The following FLVCR2 variants were observed in gnomAD, a reference collection of about 807,000 sequenced individuals.
The protein encoded by FLVCR2 is choline/ethanolamine transporter FLVCR2.
Under a neutral mutation model 48.9 loss-of-function variants are expected in FLVCR2, and 38 were observed. The ratio of observed to expected loss-of-function variants is 0.78; its 90% CI spans 0.60 to 1.02. The LOEUF (loss-of-function observed/expected upper bound fraction) is 1.02. Among genes scored for constraint, FLVCR2 ranks in the 50% least tolerant of loss-of-function variants. The probability of loss-of-function intolerance (pLI) is 0.00; values close to 1 mark genes in which losing one functional copy is unlikely to be tolerated. For synonymous variants in FLVCR2, 255 were observed against 257.0 expected (o/e 0.99, Z 0.07); for missense variants, 664 against 663.3 (o/e 1.00, Z -0.01).
At chr14:75,633,527 A>T in intron 3 of FLVCR2, 102 bp from the exon 4 acceptor site, 1 of 878,636 alleles carries the variant, frequency 1.1e-6, no homozygotes, top group Non-Finnish European at 2.0e-6. Context: ...AGTGGCAGTG[A>T]GATGAGGATT....
chr14:75,612,373 C>T (rs779133762), intron 1 of FLVCR2, among the ~76,000 whole-genome samples: 5 of 152,210 alleles, frequency 3.3e-5, no homozygotes, highest in South Asian at 2.1e-4. Context: ...AACCCTGTGA[C>T]GGGGGCGGGA....
At chr14:75,581,517 G>A (rs566132328) in intron 1 of FLVCR2, among the ~76,000 whole-genome samples, 29 of 152,148 alleles carry the variant, frequency 1.9e-4, no homozygotes, top group Non-Finnish European at 3.7e-4. Flanking sequence ...CTGCTTGGGT[G>A]ATTCCACTAG....
In FLVCR2 at chr14:75,579,513, G is replaced by A. The variant is rs1475293310; in HGVS notation, c.541G>A (p.Val181Met). 1.2e-6 allele frequency: 2 copies of A among 1,612,934 alleles called. No homozygotes were observed. The highest frequency in any genetic ancestry group is 1.7e-6 in the Non-Finnish European group (2 of 1,179,278). The change falls in exon 1 of 10, where the codon GTG becomes ATG. Residue 181 changes from valine to methionine, a missense_variant. Val to Met is a conservative substitution (Grantham distance 21). Transcript: ENST00000238667. ...GAAGCCGCATCTCTTTCCGGTCACC[G>A]TGGTGGGCCAGCTCATCTGCTCTGT... ...SLKPHLFPVT[V>M]VGQLICSVAQ...
intron 5 of FLVCR2, among the ~76,000 whole-genome samples, chr14:75,638,392 A>G (rs1890220634): frequency 6.6e-6 from 1 of 152,110 alleles, no homozygotes; most frequent in African/African-American, 2.4e-5. Flanking sequence ...AGCTGAGATC[A>G]CGCCACTGCA....
chr14:75,621,405 T>A (rs1031432634), intron 1 of FLVCR2, among the ~76,000 whole-genome samples: 89 of 140,918 alleles, frequency 6.3e-4, no homozygotes, highest in Non-Finnish European at 1.2e-3. Flanking sequence ...AGACTCCATT[T>A]AAAAAAAAAA....
intron 3 of FLVCR2, among the ~76,000 whole-genome samples, chr14:75,630,953 G>A (rs1050340933): frequency 2.0e-5 from 3 of 152,158 alleles, no homozygotes; most frequent in Non-Finnish European, 2.9e-5. Context: ...ACACAGGAAG[G>A]AGCATGCATT....
intron 1 of FLVCR2, chr14:75,595,962 G>A: frequency 2.6e-6 from 4 of 1,515,308 alleles, no homozygotes; most frequent in Non-Finnish European, 3.6e-6. Flanking sequence ...ATTTTTCTTT[G>A]CATAATCCAG....
At chr14:75,595,712 G>T (rs2140012695) in intron 1 of FLVCR2, 2 of 606,954 alleles carry the variant, frequency 3.3e-6, no homozygotes, top group Admixed American at 3.0e-5. Flanking sequence ...CTTTTTGTTT[G>T]TTTGTTTTTG....
At chr14:75,616,752 C>G (rs1416238424) in intron 1 of FLVCR2, among the ~76,000 whole-genome samples, 3 of 152,206 alleles carry the variant, frequency 2.0e-5, no homozygotes, top group South Asian at 2.1e-4. Context: ...AGGTGAGAAC[C>G]TGTTTGTGGA....
chr14:75,642,264 G>A (rs1295486160), intron 9 of FLVCR2, among the ~76,000 whole-genome samples: 1 of 152,198 alleles, frequency 6.6e-6, no homozygotes, highest in Non-Finnish European at 1.5e-5. Context: ...TCAGTGGCTG[G>A]GGAGGAAGGG....
chr14:75,620,883 G>C (rs1334259664), intron 1 of FLVCR2, among the ~76,000 whole-genome samples: 1 of 152,160 alleles, frequency 6.6e-6, no homozygotes, highest in African/African-American at 2.4e-5. Context: ...AAAGCAAATT[G>C]TTTCTTTACC....
intron 1 of FLVCR2, among the ~76,000 whole-genome samples, chr14:75,619,594 G>GA (rs1157819425): frequency 2.6e-5 from 4 of 151,928 alleles, no homozygotes; most frequent in African/African-American, 7.3e-5. Flanking sequence ...TAAGAAGCAG[G>GA]AAAAAAATAT....
At chr14:75,594,721 CTT>C (rs750721894) in intron 1 of FLVCR2, among the ~76,000 whole-genome samples, 16 of 143,504 alleles carry the variant, frequency 1.1e-4, no homozygotes, top group South Asian at 2.2e-4. Flanking sequence ...GACATTATCA[CTT>C]TTTTTTTTTT....
rs115127704 is a variant in FLVCR2, at chr14:75,592,448, T to C, written c.669+12807T>C. 2.8e-3 allele frequency among the ~76,000 whole-genome samples: 428 copies of C among 152,280 alleles called. 4 individuals are homozygous for C. The highest frequency in any genetic ancestry group is 9.8e-3 in the African/African-American group (409 of 41,566). ...TTTGAAATACTTTCAGGGCCTTTTT[T>C]CCATTGTTCTGTTAGTACCTGGCTC... On this transcript the variant is annotated intron_variant, in intron 1 of 9. Transcript: ENST00000238667.
chr14:75,635,698 C>T (rs1470533841), intron 5 of FLVCR2, among the ~76,000 whole-genome samples: 1 of 152,060 alleles, frequency 6.6e-6, no homozygotes, highest in Admixed American at 6.5e-5. Context: ...AACCCCATCT[C>T]TACAAAAAAT....
intron 1 of FLVCR2, among the ~76,000 whole-genome samples, chr14:75,598,505 T>C (rs1889080260): frequency 6.6e-6 from 1 of 152,012 alleles, no homozygotes; most frequent in African/African-American, 2.4e-5. Context: ...AGAGACAGAG[T>C]CTTGCTCTGT....
chr14:75,641,128 C>T, intron 7 of FLVCR2, 54 bp from the exon 8 acceptor site: 5 of 1,551,608 alleles, frequency 3.2e-6, no homozygotes, highest in Non-Finnish European at 4.5e-6. Flanking sequence ...TCAGTTCTTC[C>T]TCATGAGTTA....
chr14:75,637,368 C>T (rs988187137), intron 5 of FLVCR2, among the ~76,000 whole-genome samples: 2 of 152,222 alleles, frequency 1.3e-5, no homozygotes, highest in African/African-American at 4.8e-5. Context: ...TTTGACACAA[C>T]CGTAGCGTGC....
chr14:75,600,013 G>C (rs1438802021), intron 1 of FLVCR2, among the ~76,000 whole-genome samples: 8 of 152,186 alleles, frequency 5.3e-5, no homozygotes, highest in African/African-American at 7.2e-5. Flanking sequence ...ACTCCCAGGA[G>C]GTTAGGCATT....
Sources: allele counts gnomAD v4.1 joint callset (sites outside exome capture counted in the v4.1 genomes callset), GRCh38; gene constraint gnomAD v4.1.1; transcripts MANE v1.5; gene names NCBI Gene and HGNC (gene_info 2026-07-23, HGNC 2026-07-21).